Variants in SLC6A11 observed in about 807,000 individuals in gnomAD.
SLC6A11 encodes sodium- and chloride-dependent GABA transporter 3.
Under a neutral mutation model 74.8 loss-of-function variants are expected in SLC6A11, and 25 were observed. The ratio of observed to expected loss-of-function variants is 0.33; its 90% CI spans 0.24 to 0.47. The LOEUF (loss-of-function observed/expected upper bound fraction) is 0.47, where lower values mean the gene tolerates loss of function less well. Among genes scored for constraint, SLC6A11 ranks in the 20% least tolerant of loss-of-function variants. The pLI is 1.00. For synonymous variants in SLC6A11, 330 were observed against 330.2 expected (o/e 1.00, Z 0.01); for missense variants, 574 against 837.0 (o/e 0.69, Z 3.88).
chr3:10,821,740 GTTGT>G (rs1271858769), intron 3 of SLC6A11, among the ~76,000 whole-genome samples: 1 of 151,906 alleles, frequency 6.6e-6, no homozygotes, highest in African/African-American at 2.4e-5. Flanking sequence ...TTTATAACTT[GTTGT>G]TTATTTGTAC....
Position 10,816,236 on chromosome 3 carries a change from G to A in SLC6A11, c.-30G>A. The A allele has an allele frequency of 1.6e-6, 2 of 1,285,198 alleles. No homozygotes were observed. The highest frequency in any genetic ancestry group is 2.0e-6 in the Non-Finnish European group (2 of 1,020,384). The allele number at this position is 1,285,198 out of a possible 1,614,324, so 79.6% of individuals were successfully genotyped here. Reference sequence around the variant, plus strand: ...TCGCCCGGGGCGGCGGCGCAGAGCCGGGCCGGCGCACGAGGCAGCCAGCGC... The same window carrying A: ...TCGCCCGGGGCGGCGGCGCAGAGCCAGGCCGGCGCACGAGGCAGCCAGCGC... On this transcript the variant is annotated 5_prime_UTR_variant, in exon 1 of 14. Coordinates refer to ENST00000254488, the MANE Select transcript of SLC6A11 (RefSeq NM_014229.3). The surrounding 1 kb of genome is among the most constrained non-coding windows in gnomAD (Gnocchi z 4.2).
At chr3:10,928,322 G>A (rs1487409057) in intron 9 of SLC6A11, among the ~76,000 whole-genome samples, 1 of 152,118 alleles carries the variant, frequency 6.6e-6, no homozygotes, top group Non-Finnish European at 1.5e-5. Context: ...TAAGGAGACA[G>A]ATATAAGCAG....
At chr3:10,933,662 G>T (rs1881371) in intron 11 of SLC6A11, among the ~76,000 whole-genome samples, 55,040 of 152,004 alleles carry the variant, frequency 0.36, 10,588 homozygotes, top group African/African-American at 0.47. Flanking sequence ...GCTGGGCTCA[G>T]TGATGGTCAC....
chr3:10,834,174 G>C (rs534508663), intron 4 of SLC6A11, among the ~76,000 whole-genome samples: 1 of 152,306 alleles, frequency 6.6e-6, no homozygotes, highest in East Asian at 1.9e-4. Flanking sequence ...TGGTGGGCCA[G>C]AGCCTGAGCT....
At chr3:10,870,296 C>A (rs1694814289) in intron 5 of SLC6A11, among the ~76,000 whole-genome samples, 2 of 152,188 alleles carry the variant, frequency 1.3e-5, no homozygotes, top group African/African-American at 4.8e-5. Context: ...AAGGACTAGA[C>A]CTAGGTCTTA....
chr3:10,839,063 T>C (rs576753946), intron 4 of SLC6A11, among the ~76,000 whole-genome samples: 1 of 152,280 alleles, frequency 6.6e-6, no homozygotes, highest in South Asian at 2.1e-4. Flanking sequence ...CACCTCCACC[T>C]GTGGATTCTG....
In SLC6A11 at chr3:10,915,454, T is replaced by C. The variant is rs1352480201; in HGVS notation, c.996-2875T>C. On this transcript the variant is annotated intron_variant, in intron 7 of 13. Transcript: ENST00000254488. The surrounding 1 kb of genome is among the most constrained non-coding windows in gnomAD (Gnocchi z 4.3). ...TGCAAGTGGGTCTTCTCAACTCCAG[T>C]GGAGTAAATTAGTACCCTCTCTCCT... Among the ~76,000 whole-genome samples, 1 of 152,142 alleles carries C rather than the reference T, an allele frequency of 6.6e-6. No individual in the cohort carries two copies. The highest frequency in any genetic ancestry group is 1.5e-5 in the Non-Finnish European group (1 of 68,026).
intron 5 of SLC6A11, among the ~76,000 whole-genome samples, chr3:10,847,228 C>A (rs114104580): frequency 6.5e-4 from 99 of 152,264 alleles, no homozygotes; most frequent in Non-Finnish European, 1.3e-3. Flanking sequence ...GGGGACCATA[C>A]AGTCTATGTC....
intron 5 of SLC6A11, among the ~76,000 whole-genome samples, chr3:10,871,898 G>A (rs761769167): frequency 2.5e-4 from 38 of 152,182 alleles, no homozygotes; most frequent in Non-Finnish European, 5.0e-4. Flanking sequence ...TACCATCATT[G>A]CAGAACAGAG....
chr3:10,898,041 C>T (rs950331641), intron 6 of SLC6A11, among the ~76,000 whole-genome samples: 1 of 152,170 alleles, frequency 6.6e-6, no homozygotes, highest in Admixed American at 6.5e-5. Flanking sequence ...AAGCCATGGC[C>T]GGAGCTCTAC....
At chr3:10,817,548 C>A (rs981349922) in intron 1 of SLC6A11, among the ~76,000 whole-genome samples, 1 of 152,196 alleles carries the variant, frequency 6.6e-6, no homozygotes, top group Non-Finnish European at 1.5e-5. Flanking sequence ...GAGCCTGTAT[C>A]TGTATATTCT....
At chr3:10,846,066 G>C (rs566065017) in intron 5 of SLC6A11, among the ~76,000 whole-genome samples, 7 of 152,256 alleles carry the variant, frequency 4.6e-5, no homozygotes, top group Admixed American at 2.0e-4. Flanking sequence ...CACCACATGG[G>C]GTGGTTGTGA....
chr3:10,896,277 C>T (rs1229675800), intron 6 of SLC6A11, among the ~76,000 whole-genome samples: 1 of 152,256 alleles, frequency 6.6e-6, no homozygotes. Flanking sequence ...TGGGACCTGC[C>T]TAGTCAGCCC....
intron 6 of SLC6A11, among the ~76,000 whole-genome samples, chr3:10,878,934 T>C (rs1410571317): frequency 2.6e-5 from 4 of 152,226 alleles, no homozygotes; most frequent in Admixed American, 2.6e-4. Flanking sequence ...GTGCCTACTC[T>C]GTGTCAGAGA....
intron 1 of SLC6A11, among the ~76,000 whole-genome samples, chr3:10,818,992 G>A (rs1207030799): frequency 6.6e-6 from 1 of 152,168 alleles, no homozygotes; most frequent in African/African-American, 2.4e-5. Flanking sequence ...CCCTGAGAAT[G>A]CTCTTCTTTA....
intron 8 of SLC6A11, among the ~76,000 whole-genome samples, chr3:10,923,274 C>T (rs975951219): frequency 6.6e-6 from 1 of 150,558 alleles, no homozygotes; most frequent in Non-Finnish European, 1.5e-5. Context: ...ACACAGGGCT[C>T]CTTGGCAAAA....
chr3:10,849,808 A>G (rs868466884), intron 5 of SLC6A11, among the ~76,000 whole-genome samples: 4 of 115,740 alleles, frequency 3.5e-5, no homozygotes, highest in African/African-American at 7.9e-5. Context: ...AAAAAAAAAA[A>G]AAAAAAAAAA....
In SLC6A11 at chr3:10,939,904, A is replaced by G. The variant is rs1695805272; in HGVS notation, c.*1502A>G. 6.6e-6 allele frequency: 1 copy of G among 151,794 alleles called. No individual in the cohort carries two copies. Among genetic ancestry groups the G allele is most frequent in the African/African-American group, 2.4e-5 (1 of 41,262 alleles). 9.4% of individuals were successfully genotyped at this position (151,794 alleles called of 1,614,324 possible). ...AAGCCTCTGCCTTGGTTTCTGAGCT[A>G]TATGAGGGTGGGGAAGGCACACTCT... is the stretch of plus-strand genomic sequence containing the variant. On this transcript the variant is annotated 3_prime_UTR_variant, in exon 14 of 14. Transcript: ENST00000254488.
In SLC6A11 at chr3:10,915,652, C is replaced by A. The variant is rs1695444587; in HGVS notation, c.996-2677C>A. Among the ~76,000 whole-genome samples the A allele has an allele frequency of 6.6e-6, 1 of 152,004 alleles. No individual in the cohort carries two copies. Among genetic ancestry groups the A allele is most frequent in the African/African-American group, 2.4e-5 (1 of 41,386 alleles). ...CCTCACTTCCGAAGACACCACTAAG[C>A]CCTGTCTGCTTGAAGGGGTGGGTGT... is the stretch of plus-strand genomic sequence containing the variant. On this transcript the variant is annotated intron_variant, in intron 7 of 13. Transcript: ENST00000254488. This position sits in a 1 kb window ranked among gnomAD's most constrained non-coding sequence, Gnocchi z 4.3.
Sources: gnomAD v4.1 joint callset for allele counts (sites outside exome capture counted in the v4.1 genomes callset) on GRCh38, gnomAD v4.1.1 for gene constraint, Gnocchi (gnomAD v3.1) non-coding constraint, MANE v1.5 for transcripts, NCBI Gene and HGNC (gene_info 2026-07-23, HGNC 2026-07-21) for gene names.